The following LPA variants were observed in gnomAD, a reference collection of about 807,000 sequenced individuals.
The protein encoded by LPA is lipoprotein(a).
In LPA, 199 loss-of-function variants were observed where a neutral mutation model predicts 197.9. The observed-to-expected ratio is 1.01, with a 90% confidence interval of 0.90 to 1.13. LPA has a LOEUF of 1.13. Among genes scored for constraint, LPA ranks in the 50% most tolerant of loss-of-function variants. LPA has a pLI of 0.00. For missense variants in LPA, 1,853 were observed against 1,785.8 expected, an observed-to-expected ratio of 1.04 and a Z score of -0.68; for synonymous variants, 715 against 639.5, an observed-to-expected ratio of 1.12 and a Z score of -1.78.
In LPA at chr6:160,661,997, C is replaced by T. The variant is rs568322873; in HGVS notation, c.49+2169G>A. On this transcript the variant is annotated intron_variant, in intron 1 of 38. Transcript: ENST00000316300. ...CCCCCTTTAACTAAGTTACCTGTAA[C>T]TGTGTCATTTTATTATGCTTCATAG... Among the ~76,000 whole-genome samples, 4 of 152,178 alleles carry T rather than the reference C, an allele frequency of 2.6e-5. No individual in the cohort carries two copies. The South Asian group carries it at 6.2e-4, about 24-fold the overall frequency.
Position 160,548,631 on chromosome 6 carries a change from G to T in LPA, c.5002C>A (p.Pro1668Thr), listed in dbSNP as rs181994292. Residue 1668 changes from proline to threonine, a missense_variant, in exon 31 of 39, where the codon CCA becomes ACA. Physicochemically the swap from Pro to Thr is conservative, Grantham distance 38. Coordinates refer to ENST00000316300, the MANE Select transcript of LPA (RefSeq NM_005577.4). The part of the protein sequence containing the change: ...DGLTMNYCRN[P>T]DADTGPWCFT... ...CACCAAGGGCCTGTATCGGCATCTG[G>T]ATTCCTGCAGTAGTTCATTGTCAGG... The T allele has an allele frequency of 1.2e-6, 2 of 1,614,104 alleles. No individual in the cohort carries two copies. Among genetic ancestry groups the T allele is most frequent in the East Asian group, 4.5e-5 (2 of 44,866 alleles).
intron 16 of LPA, among the ~76,000 whole-genome samples, chr6:160,610,511 G>C (rs1204807844): frequency 6.6e-6 from 1 of 152,132 alleles, no homozygotes. Context: ...AATTGAGCTT[G>C]CTGTTCTCTT....
At chr6:160,602,622 C>A (rs541567398) in intron 18 of LPA, among the ~76,000 whole-genome samples, 14 of 152,282 alleles carry the variant, frequency 9.2e-5, no homozygotes, top group African/African-American at 3.4e-4. Context: ...TTGAACTATT[C>A]TTCTTCTAGC....
At chr6:160,540,788 A>G (rs987145209) in intron 35 of LPA, among the ~76,000 whole-genome samples, 1 of 152,204 alleles carries the variant, frequency 6.6e-6, no homozygotes, top group Admixed American at 6.5e-5. Context: ...ATTGCTCTAG[A>G]GCAATGCAAT....
intron 16 of LPA, among the ~76,000 whole-genome samples, chr6:160,609,367 T>C (rs1214787692): frequency 6.6e-6 from 1 of 152,142 alleles, no homozygotes; most frequent in East Asian, 1.9e-4. Flanking sequence ...GGTATCTGGC[T>C]TCCAGTGTTT....
intron 22 of LPA, among the ~76,000 whole-genome samples, chr6:160,593,329 A>G (rs1023956420): frequency 7.2e-5 from 11 of 152,110 alleles, no homozygotes; most frequent in African/African-American, 2.7e-4. Context: ...TATGTATTTG[A>G]TAGTCCTTCA....
At chr6:160,589,344 C>G (rs1778977262) in intron 24 of LPA, among the ~76,000 whole-genome samples, 1 of 152,216 alleles carries the variant, frequency 6.6e-6, no homozygotes, top group Non-Finnish European at 1.5e-5. Flanking sequence ...CAAGTATCCT[C>G]CTACTTCTAT....
intron 2 of LPA, among the ~76,000 whole-genome samples, chr6:160,647,580 T>G (rs949278222): frequency 6.6e-6 from 1 of 152,206 alleles, no homozygotes; most frequent in Non-Finnish European, 1.5e-5. Flanking sequence ...TTCCCTCTTT[T>G]GAATACATAA....
intron 28 of LPA, among the ~76,000 whole-genome samples, chr6:160,569,269 G>A (rs1293089936): frequency 2.0e-5 from 3 of 152,126 alleles, no homozygotes; most frequent in Admixed American, 6.5e-5. Context: ...GCATGGTACT[G>A]GTACCAAAAC....
At chr6:160,654,812 C>T (rs1335717550) in intron 1 of LPA, among the ~76,000 whole-genome samples, 3 of 152,122 alleles carry the variant, frequency 2.0e-5, no homozygotes, top group Non-Finnish European at 2.9e-5. Flanking sequence ...TGTACACATG[C>T]ATTTAGAAAG....
Position 160,589,716 on chromosome 6 carries a change from A to C in LPA, c.3788-4T>G. 1 of 1,613,820 alleles carries C rather than the reference A, an allele frequency of 6.2e-7. No homozygotes were observed. On this transcript the variant is annotated splice_region_variant and splice_polypyrimidine_tract_variant and intron_variant, in intron 23 of 38. Coordinates refer to ENST00000316300, the MANE Select transcript of LPA (RefSeq NM_005577.4). The stretch of plus-strand genomic sequence containing the variant: ...GTGGGGCTTTGCTCCGTTGGTGCTG[A>C]AATTCAAAGAGGAGAAAACAAACTG...
chr6:160,610,477 G>A (rs1157446776), intron 16 of LPA, among the ~76,000 whole-genome samples: 1 of 152,164 alleles, frequency 6.6e-6, no homozygotes, highest in Non-Finnish European at 1.5e-5. Flanking sequence ...ATAACACAGA[G>A]TGCTATGTGA....
In LPA at chr6:160,542,112, A is replaced by G. The variant is rs999897169; in HGVS notation, c.5519+576T>C. Among the ~76,000 whole-genome samples, 7 of 152,344 alleles carry G rather than the reference A, an allele frequency of 4.6e-5. No individual in the cohort carries two copies. The East Asian group carries it at 1.4e-3, about 29-fold the overall frequency. On this transcript the variant is annotated intron_variant, in intron 34 of 38. Transcript: ENST00000316300. ...CAAGCAAACTGAACTTACGAATTGC[A>G]TGTTCCACTGAAACGATACCCAAAA...
At chr6:160,572,741 T>C (rs900316347) in intron 28 of LPA, among the ~76,000 whole-genome samples, 1 of 152,224 alleles carries the variant, frequency 6.6e-6, no homozygotes, top group Non-Finnish European at 1.5e-5. Flanking sequence ...GCTCCAATCC[T>C]TTATAGCTTG....
chr6:160,566,922 C>T (rs1051416654), intron 28 of LPA, among the ~76,000 whole-genome samples: 6 of 151,996 alleles, frequency 3.9e-5, no homozygotes, highest in Non-Finnish European at 8.8e-5. Context: ...GGTAAAGGGA[C>T]CAATTTAACA....
intron 26 of LPA, among the ~76,000 whole-genome samples, chr6:160,581,516 T>A (rs898675640): frequency 6.6e-6 from 1 of 152,094 alleles, no homozygotes; most frequent in Non-Finnish European, 1.5e-5. Context: ...TGCCCAGGCT[T>A]GTCTGCAACT....
rs775998211 is a variant in LPA, at chr6:160,594,094, C to A, written c.3493G>T (p.Val1165Phe). 2 of 1,613,850 alleles carry A rather than the reference C, an allele frequency of 1.2e-6. No homozygotes were observed. Among genetic ancestry groups the A allele is most frequent in the Non-Finnish European group, 8.5e-7 (1 of 1,179,820 alleles). The change falls in exon 22 of 39, where the codon GTC becomes TTC. Residue 1165 changes from valine (V) to phenylalanine (F), a missense_variant. Val to Phe is a conservative substitution (Grantham distance 50). Transcript: ENST00000316300. ...EEAPTEQSPG[V>F]QDCYHGDGQS... Reference sequence around the variant, plus strand: ...CCATCACCATGGTAGCAATCCTGGACCCCGGGGCTTTGCTCCGTTGGTGCT... The same window carrying A: ...CCATCACCATGGTAGCAATCCTGGAACCCGGGGCTTTGCTCCGTTGGTGCT...
chr6:160,584,185 CTTCTTCTTCTTCTTCT>C (rs1778852809), intron 26 of LPA, among the ~76,000 whole-genome samples: 1 of 68,218 alleles, frequency 1.5e-5, no homozygotes, highest in Non-Finnish European at 2.6e-5. Flanking sequence ...TCTTCTTCTT[CTTCTTCTTCTTCTTCT>C]TCTTCTTCTT....
intron 18 of LPA, among the ~76,000 whole-genome samples, chr6:160,604,554 G>A (rs1779307214): frequency 6.6e-6 from 1 of 151,994 alleles, no homozygotes; most frequent in African/African-American, 2.4e-5. Flanking sequence ...CAGACCACTG[G>A]TGGTCAGAAC....
Sources: allele counts gnomAD v4.1 joint callset (sites outside exome capture counted in the v4.1 genomes callset), GRCh38; gene constraint gnomAD v4.1.1; transcripts MANE v1.5; gene names NCBI Gene and HGNC (gene_info 2026-07-23, HGNC 2026-07-21).